The following DNAH1 variants were observed in gnomAD, a reference collection of about 807,000 sequenced individuals.
DNAH1 encodes the protein axonemal beta dynein heavy chain 1.
DNAH1 carries 327 observed loss-of-function variants against 484.3 expected under a neutral mutation model. The observed-to-expected ratio is 0.68, with a 90% CI of 0.62 to 0.74. DNAH1 has a LOEUF of 0.74. Among genes scored for constraint, DNAH1 ranks in the 30% least tolerant of loss-of-function variants. DNAH1 has a pLI of 0.00. For synonymous variants in DNAH1, 2,192 were observed against 2,191.9 expected (o/e 1.00, Z 0.00); for missense variants, 5,052 against 5,546.8 (o/e 0.91, Z 2.83).
Position 52,360,052 on chromosome 3 carries a change from A to T in DNAH1, c.4544A>T (p.Asn1515Ile). The change falls in exon 27 of 78, where the codon AAT becomes ATT. Residue 1515 changes from asparagine to isoleucine, a missense_variant. Physicochemically the swap from Asn to Ile is moderately radical, Grantham distance 149. Coordinates refer to ENST00000420323, the MANE Select transcript of DNAH1 (RefSeq NM_015512.5). ...KLIQENVVSV[N>I]DFQWISQLRY... is the part of the protein sequence containing the mutation. ...ATCCAGGAGAACGTGGTCAGCGTGA[A>T]TGACTTCCAGTGGATCTCACAGCTG... 1 of 1,613,902 alleles carries T rather than the reference A, an allele frequency of 6.2e-7. No individual in the cohort carries two copies. The highest frequency in any genetic ancestry group is 8.5e-7 in the Non-Finnish European group (1 of 1,179,878).
At chr3:52,350,613 T>C (rs745813692) in intron 16 of DNAH1, 23 bp downstream of exon 16, 9 of 1,609,608 alleles carry the variant, frequency 5.6e-6, no homozygotes, top group Non-Finnish European at 1.7e-6. Context: ...TTGGCCCCCA[T>C]GCCAGGTGCG....
chr3:52,339,349 G>A (rs1317178343), intron 8 of DNAH1, among the ~76,000 whole-genome samples: 1 of 150,318 alleles, frequency 6.7e-6, no homozygotes, highest in East Asian at 1.9e-4. Flanking sequence ...TTTTCTCTCG[G>A]TCACCTTGTA....
chr3:52,339,494 C>T (rs1046473605), intron 8 of DNAH1, among the ~76,000 whole-genome samples: 7 of 151,990 alleles, frequency 4.6e-5, no homozygotes, highest in Admixed American at 3.3e-4. Flanking sequence ...TTTTCAGATG[C>T]CCAAACACTC....
At position 52,370,494 on chromosome 3, in the gene DNAH1, CT is replaced by C; in HGVS notation, c.6277del (p.Ser2093LeufsTer4). Reference sequence around the variant, plus strand: ...ATCCCCAGGGCCTCAAGAAAATACCCTCTGAAAAGCTGAGTCGCATCGTAGA... The same window carrying C: ...ATCCCCAGGGCCTCAAGAAAATACCCCTGAAAAGCTGAGTCGCATCGTAGA... ...LPREGLKKIPSEKLSRIVELI... is the reference protein window; with the variant it reads ...LPREGLKKIPXEKLSRIVELI... On this transcript the variant is annotated frameshift_variant, in exon 40 of 78. Coordinates refer to ENST00000420323, the MANE Select transcript of DNAH1 (RefSeq NM_015512.5). LOFTEE classifies it high-confidence loss of function. The C allele has an allele frequency of 1.2e-6, 2 of 1,613,988 alleles. No homozygotes were observed. The highest frequency in any genetic ancestry group is 1.7e-6 in the Non-Finnish European group (2 of 1,179,900).
intron 59 of DNAH1, 21 bp from the exon 60 acceptor site, chr3:52,389,440 C>G (rs1190404387): frequency 6.2e-7 from 1 of 1,611,162 alleles, no homozygotes; most frequent in South Asian, 1.1e-5. Context: ...TGGGGTGGTC[C>G]TGAGTCTGGC....
rs996908970 is a variant in DNAH1, at chr3:52,355,751, G to T, written c.3693+696G>T. On this transcript the variant is annotated intron_variant, in intron 21 of 77. Transcript: ENST00000420323. This position sits in a 1 kb window ranked among gnomAD's most constrained non-coding sequence, Gnocchi z 4.5. Reference sequence around the variant, plus strand: ...CTATCCCCAGTCCCCCTCTGCTCACGCTGTCCACTCGACCTGGAGTTTGAC... The same window carrying T: ...CTATCCCCAGTCCCCCTCTGCTCACTCTGTCCACTCGACCTGGAGTTTGAC... Among the ~76,000 whole-genome samples the T allele has an allele frequency of 6.6e-6, 1 of 152,226 alleles. No homozygotes were observed. Among genetic ancestry groups the T allele is most frequent in the Non-Finnish European group, 1.5e-5 (1 of 68,026 alleles).
At chr3:52,333,427 A>C in intron 8 of DNAH1, among the ~76,000 whole-genome samples, 1 of 133,382 alleles carries the variant, frequency 7.5e-6, no homozygotes, top group African/African-American at 3.0e-5. Context: ...GACTCTTGTC[A>C]CCCAGGCTGG....
chr3:52,398,773 T>C, intron 75 of DNAH1, 77 bp from the exon 76 acceptor site: 1 of 1,269,848 alleles, frequency 7.9e-7, no homozygotes, highest in Non-Finnish European at 1.1e-6. Flanking sequence ...TTTCACTCTG[T>C]GGCCTTGAGC....
At position 52,375,258 on chromosome 3, in the gene DNAH1, T is replaced by C; in HGVS notation, c.7004T>C (p.Val2335Ala). The C allele has an allele frequency of 6.2e-7, 1 of 1,608,792 alleles. No homozygotes were observed. Among genetic ancestry groups the C allele is most frequent in the South Asian group, 1.1e-5 (1 of 89,568 alleles). ...RKIIGAFKNL[V>A]DINFVCAMGP... is the part of the protein sequence containing the mutation. ...ACTCCAGGTGCCTTCAAGAACCTAG[T>C]GGACATCAACTTTGTCTGTGCCATG... Residue 2335 changes from valine (V) to alanine (A), a missense_variant, in exon 45 of 78, where the codon GTG (valine) becomes GCG (alanine). Physicochemically the swap from Val to Ala is moderately conservative, Grantham distance 64 (BLOSUM62 0). Coordinates refer to ENST00000420323, the MANE Select transcript of DNAH1 (RefSeq NM_015512.5).
chr3:52,347,529 C>T (rs146779929), intron 11 of DNAH1, among the ~76,000 whole-genome samples: 124 of 152,186 alleles, frequency 8.1e-4, no homozygotes, highest in African/African-American at 2.8e-3. Context: ...GATGGGCTCC[C>T]GGGGAGAGAG....
intron 53 of DNAH1, 98 bp downstream of exon 53, chr3:52,385,075 A>C: frequency 7.2e-7 from 1 of 1,393,300 alleles, no homozygotes; most frequent in Non-Finnish European, 9.6e-7. Flanking sequence ...CCGCCTTTCA[A>C]ACTGCAGCCC....
chr3:52,374,031 A>G, intron 44 of DNAH1: 1 of 1,016,872 alleles, frequency 9.8e-7, no homozygotes, highest in South Asian at 1.3e-5. Flanking sequence ...GCGAAGAAAT[A>G]TATTGATCAG....
At chr3:52,356,408 G>A (rs1362501140) in intron 21 of DNAH1, among the ~76,000 whole-genome samples, 6 of 152,192 alleles carry the variant, frequency 3.9e-5, no homozygotes, top group African/African-American at 1.4e-4. Flanking sequence ...GACTTCTCTG[G>A]AGGGCAGGCA....
At chr3:52,388,125 C>G (rs1704188484) in intron 56 of DNAH1, 42 bp from the exon 57 acceptor site, 1 of 1,583,182 alleles carries the variant, frequency 6.3e-7, no homozygotes, top group African/African-American at 1.3e-5. Context: ...CCCCTGTCAC[C>G]CTTGAGAAGC....
In DNAH1 at chr3:52,326,264, G is replaced by A; in HGVS notation, c.531G>A (p.Val177=). The A allele has an allele frequency of 6.2e-7, 1 of 1,612,308 alleles. No homozygotes were observed. The highest frequency in any genetic ancestry group is 8.5e-7 in the Non-Finnish European group (1 of 1,179,776). The change falls in exon 4 of 78, where the codon GTG becomes GTA. Residue 177 remains valine (V), a synonymous_variant. Coordinates refer to ENST00000420323, the MANE Select transcript of DNAH1 (RefSeq NM_015512.5). ...PLQAYEPKMQ[V]PFQVLPGQHP... ...AGGCCTACGAGCCCAAGATGCAGGT[G>A]CCTTTCCAGGTGCTGCCAGGCCAGC...
Position 52,322,674 on chromosome 3 carries a change from CG to C in DNAH1, c.234del (p.Lys79SerfsTer4), listed in dbSNP as rs1336234502. On this transcript the variant is annotated frameshift_variant, in exon 2 of 78. Transcript: ENST00000420323. LOFTEE classifies it high-confidence loss of function. The part of the protein sequence containing the change: ...PPTLSDLGQP[R>X]KSPLTGTDKK... ...CACACTCTCAGACTTGGGGCAGCCACGGAAGTCACCCCTGACAGGCACTGAT... is the reference window on the plus strand; with the variant it reads ...CACACTCTCAGACTTGGGGCAGCCACGAAGTCACCCCTGACAGGCACTGAT... The C allele has an allele frequency of 6.2e-7, 1 of 1,613,758 alleles. No homozygotes were observed. The highest frequency in any genetic ancestry group is 1.3e-5 in the African/African-American group (1 of 74,888).
Position 52,346,588 on chromosome 3 carries a change from C to T in DNAH1, c.1773C>T (p.Tyr591=), listed in dbSNP as rs2153223792. 2 of 1,614,062 alleles carry T rather than the reference C, an allele frequency of 1.2e-6. No individual in the cohort carries two copies. Among genetic ancestry groups the T allele is most frequent in the Non-Finnish European group, 1.7e-6 (2 of 1,179,898 alleles). ...TCTACGAGACCAACTGGGAGGTGTACCTCATGTCCAAGCTGCGCAAGCTGA... is the reference window on the plus strand; with the variant it reads ...TCTACGAGACCAACTGGGAGGTGTATCTCATGTCCAAGCTGCGCAAGCTGA... ...YNLYETNWEV[Y]LMSKLRKLME... is the part of the protein sequence containing the mutation. The change falls in exon 11 of 78, where the codon TAC becomes TAT. Residue 591 remains tyrosine, a synonymous_variant. Transcript: ENST00000420323.
chr3:52,393,035 G>A lies in DNAH1; in HGVS notation c.10474+10G>A. On this transcript the variant is annotated intron_variant, in intron 65 of 77. Coordinates refer to ENST00000420323, the MANE Select transcript of DNAH1 (RefSeq NM_015512.5). ...AACTCAGAGAGAGCAGGTAGCACCGGCATGCCAGGCTCCTACCCTGCACAG... is the reference window on the plus strand; with the variant it reads ...AACTCAGAGAGAGCAGGTAGCACCGACATGCCAGGCTCCTACCCTGCACAG... 6.2e-7 allele frequency: 1 copy of A among 1,611,766 alleles called. No homozygotes were observed.
chr3:52,373,709 C>A, intron 44 of DNAH1: 1 of 1,360,554 alleles, frequency 7.3e-7, no homozygotes, highest in African/African-American at 1.4e-5. Context: ...GTCAGTGTTG[C>A]GTCCTTTTTG....
Sources: allele counts gnomAD v4.1 joint callset (sites outside exome capture counted in the v4.1 genomes callset), GRCh38; gene constraint gnomAD v4.1.1; non-coding constraint Gnocchi (gnomAD v3.1); transcripts MANE v1.5; gene names NCBI Gene and HGNC (gene_info 2026-07-23, HGNC 2026-07-21).